Variants in PCSK5 observed in about 807,000 individuals in gnomAD.
PCSK5 encodes proprotein convertase subtilisin/kexin type 5, also known as prohormone convertase 5.
Under a neutral mutation model 233.2 loss-of-function variants are expected in PCSK5, and 129 were observed. That is an observed-to-expected ratio of 0.55 (90% CI 0.48 to 0.64). The LOEUF (loss-of-function observed/expected upper bound fraction) is 0.64, where lower values mean the gene tolerates loss of function less well. PCSK5 is among the 30% of genes least tolerant of loss of function. The pLI is 0.00. For missense variants in PCSK5, 2,076 were observed against 2,430.1 expected (o/e 0.85, Z 3.06); for synonymous variants, 825 against 879.2 (o/e 0.94, Z 1.09).
chr9:76,271,909 T>A (rs1298757309), intron 24 of PCSK5, among the ~76,000 whole-genome samples: 1 of 152,198 alleles, frequency 6.6e-6, no homozygotes, highest in Non-Finnish European at 1.5e-5. Context: ...GCCTTCTCCC[T>A]TCTGTGTCTG....
At chr9:76,098,172 T>C (rs919658358) in intron 8 of PCSK5, among the ~76,000 whole-genome samples, 6 of 152,226 alleles carry the variant, frequency 3.9e-5, no homozygotes, top group African/African-American at 9.6e-5. Context: ...ATTTTGTAGA[T>C]TGATTTAGGT....
Position 76,051,863 on chromosome 9 carries a change from CTAAGTCTCAGAAG to C in PCSK5, c.633-16091_633-16079del, listed in dbSNP as rs1829641615. Among the ~76,000 whole-genome samples the C allele has an allele frequency of 3.3e-5, 5 of 152,290 alleles. No homozygotes were observed. The South Asian group carries it at 1.0e-3, about 32-fold the overall frequency. On this transcript the variant is annotated intron_variant, in intron 5 of 37. Coordinates refer to ENST00000674117, the MANE Select transcript of PCSK5 (RefSeq NM_001372043.1). ...CCACATGGAGTAAAAACTAGTGGATCTAAGTCTCAGAAGACTAAACAGAACCCTCTGATAGAGT... is the reference window on the plus strand; with the variant it reads ...CCACATGGAGTAAAAACTAGTGGATCACTAAACAGAACCCTCTGATAGAGT...
intron 2 of PCSK5, among the ~76,000 whole-genome samples, chr9:75,943,810 A>G (rs1318052812): frequency 1.3e-5 from 2 of 152,226 alleles, no homozygotes; most frequent in African/African-American, 2.4e-5. Flanking sequence ...ACAAAATAGT[A>G]AGTTGCCATT....
Position 76,338,385 on chromosome 9 carries a change from A to G in PCSK5, c.4904A>G (p.Tyr1635Cys), listed in dbSNP as rs1829737312. Residue 1635 changes from tyrosine to cysteine, a missense_variant, in exon 35 of 38, where the codon TAC becomes TGC. Physicochemically the swap from Tyr to Cys is radical, Grantham distance 194 (BLOSUM62 -2). Around this residue, in one of 6 missense-constraint regions of PCSK5, gnomAD observed 1,510 missense variants for 1,538.1 expected, o/e 0.98. Transcript: ENST00000674117. ...TGTCATCGCTCCTGCCCAGACCATT[A>G]CTATGTAGAGCAAAGCACACAGACC... ...GECHRSCPDH[Y>C]YVEQSTQTCE... The G allele has an allele frequency of 2.5e-6, 4 of 1,612,664 alleles. No homozygotes were observed. The highest frequency in any genetic ancestry group is 3.4e-6 in the Non-Finnish European group (4 of 1,179,820).
chr9:76,347,465 C>T (rs1830008463), intron 35 of PCSK5, among the ~76,000 whole-genome samples: 1 of 152,166 alleles, frequency 6.6e-6, no homozygotes, highest in Admixed American at 6.5e-5. Context: ...CCTAAGTGTG[C>T]AAGTTTTGCA....
intron 18 of PCSK5, 79 bp from the exon 19 acceptor site, chr9:76,189,015 A>T (rs2270571): frequency 0.37 from 455,465 of 1,234,930 alleles, 85,926 homozygotes; most frequent in African/African-American, 0.45. Flanking sequence ...CATTTTCTCA[A>T]ACTGTTAAAG....
intron 21 of PCSK5, among the ~76,000 whole-genome samples, chr9:76,228,144 G>A (rs1207964202): frequency 6.6e-6 from 1 of 151,744 alleles, no homozygotes; most frequent in African/African-American, 2.4e-5. Context: ...TAACTTTTGT[G>A]TCATTTAGTA....
chr9:76,219,828 C>A (rs1400149367), intron 20 of PCSK5, among the ~76,000 whole-genome samples: 1 of 152,142 alleles, frequency 6.6e-6, no homozygotes, highest in Non-Finnish European at 1.5e-5. Flanking sequence ...AGGTTGTCGG[C>A]GCTGCTTTCT....
At chr9:76,259,900 G>A (rs73462423) in intron 24 of PCSK5, among the ~76,000 whole-genome samples, 7,430 of 152,240 alleles carry the variant, frequency 0.049, 462 homozygotes, top group African/African-American at 0.15. Flanking sequence ...GGACTGGACT[G>A]GACCAGTGGC....
intron 32 of PCSK5, among the ~76,000 whole-genome samples, chr9:76,325,000 C>T (rs1445443864): frequency 6.6e-6 from 1 of 152,182 alleles, no homozygotes; most frequent in Non-Finnish European, 1.5e-5. Flanking sequence ...GAAGATGTGT[C>T]TCGGTCCTGA....
At chr9:76,196,121 C>A in intron 20 of PCSK5, among the ~76,000 whole-genome samples, 1 of 152,204 alleles carries the variant, frequency 6.6e-6, no homozygotes, top group East Asian at 1.9e-4. Context: ...TAAATACCAT[C>A]TTTAGAAAGC....
chr9:76,337,847 A>AT (rs1204973840), intron 34 of PCSK5, among the ~76,000 whole-genome samples: 1 of 151,926 alleles, frequency 6.6e-6, no homozygotes, highest in Non-Finnish European at 1.5e-5. Flanking sequence ...TTTTAAAAAA[A>AT]AAAAAAGATC....
At chr9:76,179,351 G>C (rs1413276517) in intron 14 of PCSK5, among the ~76,000 whole-genome samples, 2 of 152,032 alleles carry the variant, frequency 1.3e-5, no homozygotes, top group African/African-American at 4.8e-5. Context: ...ATGCTTTGAA[G>C]ACCAGGCCAT....
chr9:75,969,469 C>T (rs1374872576), intron 2 of PCSK5, among the ~76,000 whole-genome samples: 1 of 152,158 alleles, frequency 6.6e-6, no homozygotes, highest in African/African-American at 2.4e-5. Context: ...AATCACTGAC[C>T]TTACTCAACC....
At chr9:76,270,673 C>T (rs921180965) in intron 24 of PCSK5, among the ~76,000 whole-genome samples, 1 of 152,300 alleles carries the variant, frequency 6.6e-6, no homozygotes, top group Admixed American at 6.5e-5. Context: ...GGCCTGCAGC[C>T]TGGAGAGACA....
At chr9:76,151,016 A>G (rs1426423769) in intron 10 of PCSK5, among the ~76,000 whole-genome samples, 4 of 151,826 alleles carry the variant, frequency 2.6e-5, no homozygotes, top group Admixed American at 1.3e-4. Context: ...ATTAAAAAAA[A>G]AAAAAAACTA....
At chr9:76,268,448 G>C (rs1435054576) in intron 24 of PCSK5, among the ~76,000 whole-genome samples, 6 of 152,170 alleles carry the variant, frequency 3.9e-5, no homozygotes, top group Admixed American at 1.3e-4. Context: ...GGATTTGTAT[G>C]GTTCTCAGTC....
At chr9:76,069,148 C>T (rs1354970996) in intron 6 of PCSK5, among the ~76,000 whole-genome samples, 1 of 152,122 alleles carries the variant, frequency 6.6e-6, no homozygotes, top group Non-Finnish European at 1.5e-5. Flanking sequence ...CGGGGAGCAT[C>T]TGCTATTTAT....
chr9:76,077,472 C>T (rs1033556130), intron 7 of PCSK5, among the ~76,000 whole-genome samples: 2 of 152,074 alleles, frequency 1.3e-5, no homozygotes, highest in Admixed American at 1.3e-4. Context: ...AGGTTTGTTA[C>T]GTGGGTAAAT....
Sources: allele counts gnomAD v4.1 joint callset (sites outside exome capture counted in the v4.1 genomes callset), GRCh38; gene constraint gnomAD v4.1.1; regional missense constraint gnomAD v4.1.1; transcripts MANE v1.5; gene names NCBI Gene and HGNC (gene_info 2026-07-23, HGNC 2026-07-21).